The following AKAP13 variants were observed in gnomAD, a reference collection of about 807,000 sequenced individuals.
AKAP13 encodes A-kinase anchoring protein 13, also known as A-kinase anchor protein 13.
In AKAP13, 80 loss-of-function variants were observed where a neutral mutation model predicts 264.5. That is an observed-to-expected ratio of 0.30 (90% CI 0.25 to 0.36). AKAP13 has a LOEUF of 0.36. AKAP13 is among the 10% of genes least tolerant of loss of function. AKAP13 has a pLI of 1.00. For synonymous variants in AKAP13, 1,380 were observed against 1,250.2 expected (o/e 1.10, Z -2.19); for missense variants, 3,712 against 3,435.2 (o/e 1.08, Z -2.01).
At chr15:85,742,955 A>G (rs1224832936) in intron 35 of AKAP13, among the ~76,000 whole-genome samples, 1 of 152,152 alleles carries the variant, frequency 6.6e-6, no homozygotes, top group Admixed American at 6.5e-5. Context: ...TCCCAATAAA[A>G]TCGGTGCTTT....
intron 17 of AKAP13, among the ~76,000 whole-genome samples, chr15:85,707,688 T>G (rs2086378752): frequency 6.6e-6 from 1 of 152,214 alleles, no homozygotes; most frequent in Non-Finnish European, 1.5e-5. Context: ...AAATCACATC[T>G]GTTGCTTCCT....
intron 13 of AKAP13, among the ~76,000 whole-genome samples, chr15:85,669,210 G>C (rs191017835): frequency 1.3e-5 from 2 of 152,288 alleles, no homozygotes; most frequent in Non-Finnish European, 2.9e-5. Flanking sequence ...CTGCACATCA[G>C]CTGGGTGACA....
chr15:85,416,711 A>G (rs2072258291), intron 1 of AKAP13, among the ~76,000 whole-genome samples: 1 of 152,226 alleles, frequency 6.6e-6, no homozygotes, highest in Non-Finnish European at 1.5e-5. Context: ...TGTCAGAGAT[A>G]GTGTTAAGGT....
At position 85,508,403 on chromosome 15, in the gene AKAP13, A is replaced by T. The variant is rs2076305888; in HGVS notation, c.34-13025A>T. Among the ~76,000 whole-genome samples the T allele has an allele frequency of 2.0e-5, 3 of 152,004 alleles. No individual in the cohort carries two copies. In the East Asian group the frequency reaches 5.8e-4, roughly 29 times the overall value. On this transcript the variant is annotated intron_variant, in intron 2 of 36. Coordinates refer to ENST00000394518, the MANE Select transcript of AKAP13 (RefSeq NM_007200.5). Reference sequence around the variant, plus strand: ...AGCAATCCACCTGCCTCGGCCTCCCAAAGTGCTGGGATTACAGACGTGCGC... The same window carrying T: ...AGCAATCCACCTGCCTCGGCCTCCCTAAGTGCTGGGATTACAGACGTGCGC...
chr15:85,568,604 G>A (rs1156681345), intron 5 of AKAP13, among the ~76,000 whole-genome samples: 2 of 152,190 alleles, frequency 1.3e-5, no homozygotes, highest in African/African-American at 4.8e-5. Context: ...CACTGTGGTA[G>A]AGTGGAAAGA....
intron 1 of AKAP13, among the ~76,000 whole-genome samples, chr15:85,478,244 C>G (rs1473021920): frequency 6.6e-6 from 1 of 152,120 alleles, no homozygotes; most frequent in Non-Finnish European, 1.5e-5. Context: ...GTGAAATTAT[C>G]TCCCTTTATT....
chr15:85,490,423 A>G (rs1209171381), intron 2 of AKAP13, among the ~76,000 whole-genome samples: 1 of 152,186 alleles, frequency 6.6e-6, no homozygotes, highest in Non-Finnish European at 1.5e-5. Flanking sequence ...GAAACTACAG[A>G]GCAAGGAAGT....
rs761342301 is a variant in AKAP13 at position 85,741,403 on chromosome 15, G to A, written c.7966G>A (p.Ala2656Thr). 4.2e-5 allele frequency: 67 copies of A among 1,613,738 alleles called. No homozygotes were observed. The highest frequency in any genetic ancestry group is 5.6e-5 in the Non-Finnish European group (66 of 1,179,854). The change falls in exon 35 of 37, where the codon GCT becomes ACT. Residue 2656 changes from alanine (A) to threonine (T), a missense_variant. This residue lies in a region of AKAP13 where 611 missense variants were observed against 539.3 expected (regional missense o/e 1.13). Transcript: ENST00000394518. Reference sequence around the variant, plus strand: ...CCAGTATGACCTGGAGCGACTGCGTGCTGCCCAGAAACAGCTTGAGAGGGA... The same window carrying A: ...CCAGTATGACCTGGAGCGACTGCGTACTGCCCAGAAACAGCTTGAGAGGGA... The part of the protein sequence containing the change: ...TYQYDLERLR[A>T]AQKQLEREQE...
chr15:85,389,019 C>T (rs1036145495), intron 1 of AKAP13, among the ~76,000 whole-genome samples: 5 of 152,172 alleles, frequency 3.3e-5, no homozygotes, highest in African/African-American at 1.2e-4. Context: ...AAGAATTGGG[C>T]TCTCCTTGAG....
chr15:85,674,034 C>T (rs567933587), intron 14 of AKAP13, among the ~76,000 whole-genome samples: 1 of 151,892 alleles, frequency 6.6e-6, no homozygotes, highest in Non-Finnish European at 1.5e-5. Flanking sequence ...CTTTTCATTG[C>T]TCCCACCCAG....
intron 8 of AKAP13, among the ~76,000 whole-genome samples, chr15:85,608,065 A>G (rs947294818): frequency 6.6e-6 from 1 of 152,092 alleles, no homozygotes; most frequent in South Asian, 2.1e-4. Context: ...GCCTGGAGGG[A>G]TGAGGGAAGT....
At chr15:85,505,775 G>GT (rs1355283166) in intron 2 of AKAP13, among the ~76,000 whole-genome samples, 1 of 152,122 alleles carries the variant, frequency 6.6e-6, no homozygotes, top group Non-Finnish European at 1.5e-5. Context: ...TACTATCTTA[G>GT]TATTTTCCTG....
intron 5 of AKAP13, among the ~76,000 whole-genome samples, chr15:85,558,917 T>A (rs2151255833): frequency 6.6e-6 from 1 of 152,176 alleles, no homozygotes; most frequent in South Asian, 2.1e-4. Flanking sequence ...GATGAGTGTG[T>A]ACTCCTCCCT....
At chr15:85,521,675 C>A in intron 3 of AKAP13, 100 bp downstream of exon 3, 1 of 1,314,612 alleles carries the variant, frequency 7.6e-7, no homozygotes, top group Non-Finnish European at 1.0e-6. Flanking sequence ...GAAGTGTAGA[C>A]AGTATAAAAA....
chr15:85,600,636 TA>T (rs1455898972), intron 8 of AKAP13, among the ~76,000 whole-genome samples: 3 of 152,210 alleles, frequency 2.0e-5, no homozygotes, highest in African/African-American at 7.2e-5. Context: ...AAACAAATAG[TA>T]ATTAAAAGAT....
At chr15:85,391,269 A>G (rs568672524) in intron 1 of AKAP13, among the ~76,000 whole-genome samples, 3 of 152,332 alleles carry the variant, frequency 2.0e-5, no homozygotes, top group East Asian at 3.9e-4. Flanking sequence ...TGATAAAAAT[A>G]TTAGTGAACT....
rs1440604766 is a variant in AKAP13, at chr15:85,439,898, G to C, written c.-11-45812G>C. Reference sequence around the variant, plus strand: ...TGACGAGTTAGTGGGTGCAGCGCACGAGCATGGCACATGTATACATATGTA... The same window carrying C: ...TGACGAGTTAGTGGGTGCAGCGCACCAGCATGGCACATGTATACATATGTA... On this transcript the variant is annotated intron_variant, in intron 1 of 36. Transcript: ENST00000394518. Among the ~76,000 whole-genome samples, 7 of 150,822 alleles carry C rather than the reference G, an allele frequency of 4.6e-5. No homozygotes were observed. The East Asian group carries it at 5.9e-4, about 13-fold the overall frequency.
intron 3 of AKAP13, among the ~76,000 whole-genome samples, chr15:85,525,614 A>C (rs555797933): frequency 1.3e-5 from 2 of 152,354 alleles, no homozygotes; most frequent in East Asian, 3.9e-4. Flanking sequence ...GTAATGAAAG[A>C]TCTTGCCTTA....
chr15:85,595,160 C>T (rs2079759246), intron 8 of AKAP13, among the ~76,000 whole-genome samples: 3 of 152,110 alleles, frequency 2.0e-5, no homozygotes, highest in East Asian at 1.9e-4. Context: ...AGTGCAGTGG[C>T]GTGATCATAG....
Sources: allele counts gnomAD v4.1 joint callset (sites outside exome capture counted in the v4.1 genomes callset), GRCh38; gene constraint gnomAD v4.1.1; regional missense constraint gnomAD v4.1.1; transcripts MANE v1.5; gene names NCBI Gene and HGNC (gene_info 2026-07-23, HGNC 2026-07-21).